UQCC2: variants seen among roughly 807,000 people sequenced by gnomAD.
UQCC2 encodes the protein breast cancer-associated protein SGA-81M.
Under a neutral mutation model 19.9 loss-of-function variants are expected in UQCC2, and 21 were observed. The ratio of observed to expected loss-of-function variants is 1.05; its 90% CI spans 0.75 to 1.52. The LOEUF (loss-of-function observed/expected upper bound fraction) is 1.52. Ranked by LOEUF, UQCC2 falls within the 40% of genes most tolerant of loss-of-function variation. The pLI is 0.00. For synonymous variants in UQCC2, 57 were observed against 60.9 expected, an observed-to-expected ratio of 0.94 and a Z score of 0.30; for missense variants, 135 against 157.5, an observed-to-expected ratio of 0.86 and a Z score of 0.76.
chr6:33,703,452 C>T (rs1765663386), intron 1 of UQCC2, among the ~76,000 whole-genome samples: 1 of 152,142 alleles, frequency 6.6e-6, no homozygotes, highest in African/African-American at 2.4e-5. Flanking sequence ...ATTTAACAGA[C>T]ATTCATCGAG....
In UQCC2 at chr6:33,701,391, C is replaced by T. The variant is rs1477935058; in HGVS notation, c.168G>A (p.Met56Ile). 8.1e-6 allele frequency: 13 copies of T among 1,613,700 alleles called. No homozygotes were observed. Among genetic ancestry groups the T allele is most frequent in the Non-Finnish European group, 1.1e-5 (13 of 1,179,898 alleles). The change falls in exon 2 of 4, where the codon ATG (methionine) becomes ATA (isoleucine). Residue 56 changes from methionine (M) to isoleucine (I), a missense_variant. Transcript: ENST00000607484. ...AATGGAGTCGCGCTAAGCTCTCGTA[C>T]ATCTGATCACAGGCCTCAGGCTCTG... ...QVAEPEACDQMYESLARLHSN... is the reference protein window; with the variant it reads ...QVAEPEACDQIYESLARLHSN...
intron 3 of UQCC2, chr6:33,698,254 A>G (rs1561888561): frequency 6.3e-6 from 1 of 157,490 alleles, no homozygotes; most frequent in Non-Finnish European, 1.4e-5. Context: ...GACTCAGCAC[A>G]TGCTGTGGAG....
rs188637132 is a variant in UQCC2, at chr6:33,708,545, G to A, written c.138+3004C>T. ...TTAGGACGAAGGAAGCCAAGAGGCTGAGAGGAGGACTGACTGCCTCTCTCC... is the reference window on the plus strand; with the variant it reads ...TTAGGACGAAGGAAGCCAAGAGGCTAAGAGGAGGACTGACTGCCTCTCTCC... On this transcript the variant is annotated intron_variant, in intron 1 of 3. Transcript: ENST00000607484. 5.4e-4 allele frequency among the ~76,000 whole-genome samples: 82 copies of A among 152,310 alleles called. 2 individuals carry two copies. In the East Asian group the frequency reaches 0.012, roughly 23 times the overall value.
In UQCC2 at chr6:33,706,509, C is replaced by T. The variant is rs537110591; in HGVS notation, c.138+5040G>A. Reference sequence around the variant, plus strand: ...AATGTGTAAGTGAGAGCCAGATCTGCGGAGCACGGGCCGCTGCACGAGACC... The same window carrying T: ...AATGTGTAAGTGAGAGCCAGATCTGTGGAGCACGGGCCGCTGCACGAGACC... On this transcript the variant is annotated intron_variant, in intron 1 of 3. Coordinates refer to ENST00000607484, the MANE Select transcript of UQCC2 (RefSeq NM_032340.4). Among the ~76,000 whole-genome samples, 6 of 152,290 alleles carry T rather than the reference C, an allele frequency of 3.9e-5. No individual in the cohort carries two copies. In the East Asian group the frequency reaches 5.8e-4, roughly 15 times the overall value.
intron 1 of UQCC2, among the ~76,000 whole-genome samples, chr6:33,704,026 A>G (rs564729179): frequency 2.4e-4 from 36 of 152,324 alleles, no homozygotes; most frequent in African/African-American, 7.0e-4. Flanking sequence ...CCTTTCTTTT[A>G]AAAGAAAATA....
At chr6:33,704,350 G>A (rs998163216) in intron 1 of UQCC2, among the ~76,000 whole-genome samples, 1 of 152,210 alleles carries the variant, frequency 6.6e-6, no homozygotes, top group East Asian at 1.9e-4. Flanking sequence ...AAGGGAGTGG[G>A]GTGCTCCAGG....
At chr6:33,709,676 C>G (rs139286468) in intron 1 of UQCC2, among the ~76,000 whole-genome samples, 1,961 of 152,176 alleles carry the variant, frequency 0.013, 42 homozygotes, top group African/African-American at 0.042. Context: ...CCCAGGCTGC[C>G]AGCCAATCAG....
chr6:33,699,327 G>A (rs1314243222), intron 3 of UQCC2, among the ~76,000 whole-genome samples: 2 of 152,192 alleles, frequency 1.3e-5, no homozygotes, highest in Non-Finnish European at 2.9e-5. Flanking sequence ...CGGACCAATG[G>A]CGGGACTATC....
chr6:33,697,996 C>T (rs1582177771), intron 3 of UQCC2: 2 of 519,664 alleles, frequency 3.8e-6, no homozygotes, highest in Non-Finnish European at 6.9e-6. Context: ...CTGCCCTCTC[C>T]TCACCCTCGG....
chr6:33,702,041 C>T (rs1350508125), intron 1 of UQCC2, among the ~76,000 whole-genome samples: 1 of 152,118 alleles, frequency 6.6e-6, no homozygotes, highest in African/African-American at 2.4e-5. Context: ...GTCTCTCACT[C>T]TATTGCCCAG....
At chr6:33,707,318 AG>A (rs1644934799) in intron 1 of UQCC2, among the ~76,000 whole-genome samples, 1 of 152,194 alleles carries the variant, frequency 6.6e-6, no homozygotes, top group African/African-American at 2.4e-5. Flanking sequence ...GCATAACTTC[AG>A]GGGGCCCACA....
intron 1 of UQCC2, among the ~76,000 whole-genome samples, chr6:33,711,118 C>T (rs1301574752): frequency 6.6e-6 from 1 of 152,196 alleles, no homozygotes; most frequent in Admixed American, 6.5e-5. Flanking sequence ...CTTGAATCAC[C>T]TGGAGAGCTT....
At chr6:33,711,491 G>GC (rs1373720159) in intron 1 of UQCC2, 58 bp downstream of exon 1, 1 of 1,530,396 alleles carries the variant, frequency 6.5e-7, no homozygotes, top group African/African-American at 1.4e-5. Flanking sequence ...GCGCTCGTTG[G>GC]CCCCGCCCCT....
At chr6:33,711,080 G>C (rs577281439) in intron 1 of UQCC2, among the ~76,000 whole-genome samples, 1 of 152,350 alleles carries the variant, frequency 6.6e-6, no homozygotes, top group East Asian at 1.9e-4. Flanking sequence ...GCTGCCACTG[G>C]TGGTGTGGGT....
Position 33,711,608 on chromosome 6 carries a change from A to C in UQCC2, c.79T>G (p.Leu27Val), listed in dbSNP as rs1765773863. 1 of 1,613,974 alleles carries C rather than the reference A, an allele frequency of 6.2e-7. No individual in the cohort carries two copies. Among genetic ancestry groups the C allele is most frequent in the South Asian group, 1.1e-5 (1 of 91,074 alleles). The change falls in exon 1 of 4, where the codon TTG becomes GTG. Residue 27 changes from leucine (L) to valine (V), a missense_variant. Coordinates refer to ENST00000607484, the MANE Select transcript of UQCC2 (RefSeq NM_032340.4). ...PVDETKRGRD[L>V]GAYLRQRVAQ... ...ACCCGCTGTCGCAGGTAAGCGCCCA[A>C]GTCCCGGCCCCGTTTGGTCTCGTCC... is the stretch of plus-strand genomic sequence containing the variant.
intron 1 of UQCC2, 84 bp from the exon 2 acceptor site, chr6:33,701,504 A>C (rs1765640073): frequency 1.4e-6 from 2 of 1,381,300 alleles, no homozygotes; most frequent in Non-Finnish European, 2.0e-6. Flanking sequence ...GACCATACTT[A>C]ATAAAGCGTT....
At chr6:33,705,326 C>T (rs952632140) in intron 1 of UQCC2, among the ~76,000 whole-genome samples, 28 of 149,668 alleles carry the variant, frequency 1.9e-4, no homozygotes, top group African/African-American at 7.2e-5. Flanking sequence ...CCACCGCACC[C>T]GACCACTCTC....
intron 1 of UQCC2, among the ~76,000 whole-genome samples, chr6:33,704,090 G>A (rs550599600): frequency 6.6e-6 from 1 of 152,280 alleles, no homozygotes; most frequent in South Asian, 2.1e-4. Flanking sequence ...GTGACGCTTG[G>A]GCTGCTCTGA....
At chr6:33,698,486 C>T (rs1311892595) in intron 3 of UQCC2, 1 of 152,036 alleles carries the variant, frequency 6.6e-6, no homozygotes. Flanking sequence ...TAAAGAAAAG[C>T]ATGGAGGTAA....
Sources: gnomAD v4.1 joint callset for allele counts (sites outside exome capture counted in the v4.1 genomes callset) on GRCh38, gnomAD v4.1.1 for gene constraint, MANE v1.5 for transcripts, NCBI Gene and HGNC (gene_info 2026-07-23, HGNC 2026-07-21) for gene names.